The following RABGAP1L variants were observed in gnomAD, a reference collection of about 807,000 sequenced individuals.
The protein encoded by RABGAP1L is rab GTPase-activating protein 1-like.
A neutral mutation model predicts 137.7 loss-of-function variants in RABGAP1L; 63 were observed. The observed-to-expected ratio is 0.46, with a 90% CI of 0.37 to 0.56. The LOEUF (loss-of-function observed/expected upper bound fraction) is 0.56. RABGAP1L is among the 20% of genes least tolerant of loss of function. RABGAP1L has a pLI of 0.00. For missense variants in RABGAP1L, 1,095 were observed against 1,244.0 expected, an observed-to-expected ratio of 0.88 and a Z score of 1.80; for synonymous variants, 431 against 433.7, an observed-to-expected ratio of 0.99 and a Z score of 0.08.
At chr1:174,819,717 C>G (rs1690824022) in intron 19 of RABGAP1L, among the ~76,000 whole-genome samples, 1 of 152,096 alleles carries the variant, frequency 6.6e-6, no homozygotes, top group Admixed American at 6.6e-5. Context: ...TTTGACTGTA[C>G]TTCAGAGAAT....
At chr1:174,184,242 C>T (rs1040706518) in intron 1 of RABGAP1L, among the ~76,000 whole-genome samples, 1 of 152,186 alleles carries the variant, frequency 6.6e-6, no homozygotes, top group African/African-American at 2.4e-5. Flanking sequence ...CATTTCTTAG[C>T]ATGGAATAGT....
intron 17 of RABGAP1L, among the ~76,000 whole-genome samples, chr1:174,734,948 C>T: frequency 7.2e-6 from 1 of 139,416 alleles, no homozygotes; most frequent in African/African-American, 2.7e-5. Context: ...AAATTAGGAT[C>T]TCTCTCTTTT....
chr1:174,624,490 A>C (rs10912822), intron 13 of RABGAP1L, among the ~76,000 whole-genome samples: 55,819 of 152,066 alleles, frequency 0.37, 13,503 homozygotes, highest in African/African-American at 0.69. Context: ...CTTGCACATA[A>C]CAAATGTTAA....
intron 13 of RABGAP1L, among the ~76,000 whole-genome samples, chr1:174,410,593 G>A (rs998114492): frequency 3.9e-5 from 6 of 151,932 alleles, no homozygotes; most frequent in African/African-American, 1.4e-4. Flanking sequence ...TATTTTGTTG[G>A]TTTATGTATC....
At chr1:174,386,233 T>C (rs1479985363) in intron 12 of RABGAP1L, among the ~76,000 whole-genome samples, 2 of 152,222 alleles carry the variant, frequency 1.3e-5, no homozygotes, top group African/African-American at 4.8e-5. Context: ...CTCCATGTGT[T>C]AATTTAATTG....
intron 13 of RABGAP1L, among the ~76,000 whole-genome samples, chr1:174,513,798 C>CATT (rs79544775): frequency 0.39 from 58,644 of 151,686 alleles, 14,211 homozygotes; most frequent in African/African-American, 0.69. Context: ...GTTATAGTAA[C>CATT]ATCTAAAAAT....
intron 13 of RABGAP1L, among the ~76,000 whole-genome samples, chr1:174,401,221 A>G (rs942893705): frequency 6.6e-6 from 1 of 152,042 alleles, no homozygotes; most frequent in African/African-American, 2.4e-5. Flanking sequence ...ATGCAGGAAG[A>G]CCCTGGGTTC....
intron 19 of RABGAP1L, among the ~76,000 whole-genome samples, chr1:174,876,705 G>A (rs1653164764): frequency 6.6e-6 from 1 of 152,128 alleles, no homozygotes; most frequent in South Asian, 2.1e-4. Context: ...ATCTATGGGA[G>A]CAAAACAACC....
At chr1:174,383,081 T>C (rs1422949769) in intron 12 of RABGAP1L, among the ~76,000 whole-genome samples, 2 of 150,670 alleles carry the variant, frequency 1.3e-5, no homozygotes, top group Non-Finnish European at 2.9e-5. Context: ...TGCTGGGGGG[T>C]GCCTCCCAGT....
chr1:174,246,474 A>G (rs967967952), intron 5 of RABGAP1L: 4 of 152,318 alleles, frequency 2.6e-5, no homozygotes, highest in East Asian at 1.9e-4. Context: ...TGTGGATTCT[A>G]CATCCATGGA....
In RABGAP1L at chr1:174,534,789, A is replaced by T. The variant is rs1436609507; in HGVS notation, c.1711-102586A>T. Among the ~76,000 whole-genome samples, 13 of 150,614 alleles carry T rather than the reference A, an allele frequency of 8.6e-5. No homozygotes were observed. In the East Asian group the frequency reaches 1.2e-3, roughly 14 times the overall value. On this transcript the variant is annotated intron_variant, in intron 13 of 25. Transcript: ENST00000681986. Reference sequence around the variant, plus strand: ...AACTCTGTCTCCAAAAAAAAAAAAAAAAAAAAAAAAAAAAATAATTAGAAT... The same window carrying T: ...AACTCTGTCTCCAAAAAAAAAAAAATAAAAAAAAAAAAAAATAATTAGAAT...
intron 4 of RABGAP1L, among the ~76,000 whole-genome samples, chr1:174,234,864 G>T (rs1317580567): frequency 6.9e-6 from 1 of 143,888 alleles, no homozygotes; most frequent in African/African-American, 2.7e-5. Flanking sequence ...GGGCAGTATG[G>T]CCATTTTCAT....
At chr1:174,183,631 C>G (rs1305938447) in intron 1 of RABGAP1L, among the ~76,000 whole-genome samples, 1 of 152,098 alleles carries the variant, frequency 6.6e-6, no homozygotes. Flanking sequence ...CACCTTAAGT[C>G]TGTAGTTTAT....
Position 174,394,156 on chromosome 1 carries a change from G to T in RABGAP1L, c.1710+11G>T. The stretch of plus-strand genomic sequence containing the variant: ...ATTCTTATCACAAAGGTAGGAAGAA[G>T]TTCTTTTCATATTATTTTCATTGGA... On this transcript the variant is annotated intron_variant, in intron 13 of 25. Transcript: ENST00000681986. 1 of 1,607,776 alleles carries T rather than the reference G, an allele frequency of 6.2e-7. No homozygotes were observed. The highest frequency in any genetic ancestry group is 8.5e-7 in the Non-Finnish European group (1 of 1,177,166).
chr1:174,293,287 A>G (rs1676798730), intron 10 of RABGAP1L, among the ~76,000 whole-genome samples: 1 of 152,156 alleles, frequency 6.6e-6, no homozygotes, highest in South Asian at 2.1e-4. Context: ...AAACATTGAC[A>G]GTGTACTTGC....
chr1:174,732,666 A>G (rs987932028), intron 17 of RABGAP1L, among the ~76,000 whole-genome samples: 2 of 152,204 alleles, frequency 1.3e-5, no homozygotes, highest in Non-Finnish European at 2.9e-5. Context: ...GTAAAGGCAT[A>G]ATATAGTAAA....
chr1:174,743,664 A>G (rs1196545525), intron 17 of RABGAP1L, among the ~76,000 whole-genome samples: 1 of 152,092 alleles, frequency 6.6e-6, no homozygotes, highest in African/African-American at 2.4e-5. Context: ...GAATAAATAA[A>G]TAAATAATAG....
At chr1:174,581,714 A>C (rs951024666) in intron 13 of RABGAP1L, among the ~76,000 whole-genome samples, 1 of 152,208 alleles carries the variant, frequency 6.6e-6, no homozygotes, top group Non-Finnish European at 1.5e-5. Flanking sequence ...TATCTTAATA[A>C]ATTTATTTTT....
intron 11 of RABGAP1L, among the ~76,000 whole-genome samples, chr1:174,318,864 A>G (rs1384960349): frequency 6.6e-6 from 1 of 151,732 alleles, no homozygotes; most frequent in Non-Finnish European, 1.5e-5. Context: ...TTTACACTTC[A>G]TCTCCTTCTC....
Sources: allele counts gnomAD v4.1 joint callset (sites outside exome capture counted in the v4.1 genomes callset), GRCh38; gene constraint gnomAD v4.1.1; transcripts MANE v1.5; gene names NCBI Gene and HGNC (gene_info 2026-07-23, HGNC 2026-07-21).